The following RBMS3 variants were observed in gnomAD, a reference collection of about 807,000 sequenced individuals.
The protein encoded by RBMS3 is RNA binding motif single stranded interacting protein 3.
Under a neutral mutation model 66.8 loss-of-function variants are expected in RBMS3, and 27 were observed. That is an observed-to-expected ratio of 0.40 (90% CI 0.30 to 0.56). The LOEUF (loss-of-function observed/expected upper bound fraction) is 0.56, where lower values mean the gene tolerates loss of function less well. Ranked by LOEUF, RBMS3 falls within the 20% of genes least tolerant of loss-of-function variation. RBMS3 has a pLI of 0.40. For synonymous variants in RBMS3, 188 were observed against 183.0 expected, an observed-to-expected ratio of 1.03 and a Z score of -0.22; for missense variants, 513 against 549.5, an observed-to-expected ratio of 0.93 and a Z score of 0.66.
intron 4 of RBMS3, among the ~76,000 whole-genome samples, chr3:29,715,405 CTT>C (rs769779336): frequency 6.6e-6 from 1 of 152,134 alleles, no homozygotes; most frequent in Non-Finnish European, 1.5e-5. Flanking sequence ...ATCCTATGCT[CTT>C]TTCTCTGTAT....
rs1699790718 is a variant in RBMS3, at chr3:30,005,834, T to C, written c.*1972T>C. 6.6e-6 allele frequency: 1 copy of C among 151,856 alleles called. No homozygotes were observed. Among genetic ancestry groups the C allele is most frequent in the East Asian group, 1.9e-4 (1 of 5,198 alleles). 9.4% of individuals were successfully genotyped at this position (151,856 alleles called of 1,614,324 possible). A position where few individuals can be genotyped will look rare whatever the true frequency, so the allele number is the denominator to read the frequency against. ...AAGTCCTTAAAATGCTAGTTGACAA[T>C]CAAGGAACAGTATGATTTATATCAA... On this transcript the variant is annotated 3_prime_UTR_variant, in exon 15 of 15. Coordinates refer to ENST00000383767, the MANE Select transcript of RBMS3 (RefSeq NM_001003793.3).
At chr3:29,638,735 C>A (rs1255746502) in intron 4 of RBMS3, among the ~76,000 whole-genome samples, 1 of 151,826 alleles carries the variant, frequency 6.6e-6, no homozygotes, top group East Asian at 1.9e-4. Context: ...GCCAACACAT[C>A]CCGTAATTTC....
intron 6 of RBMS3, among the ~76,000 whole-genome samples, chr3:29,769,708 T>C (rs1195289872): frequency 6.6e-6 from 1 of 151,670 alleles, no homozygotes; most frequent in Non-Finnish European, 1.5e-5. Flanking sequence ...GCTCTGTACA[T>C]TCTCACTAAA....
intron 3 of RBMS3, among the ~76,000 whole-genome samples, chr3:29,506,462 A>C (rs62236915): frequency 0.072 from 10,949 of 151,714 alleles, 778 homozygotes; most frequent in East Asian, 0.37. Context: ...TTTTAATGTG[A>C]TGTTAAATTT....
chr3:29,490,749 A>G (rs1426809649), intron 3 of RBMS3, among the ~76,000 whole-genome samples: 1 of 152,166 alleles, frequency 6.6e-6, no homozygotes, highest in African/African-American at 2.4e-5. Flanking sequence ...TTTGAGAAGA[A>G]AGCTGGGCCA....
chr3:29,862,641 G>A (rs1349472753), intron 6 of RBMS3, among the ~76,000 whole-genome samples: 5 of 151,868 alleles, frequency 3.3e-5, no homozygotes, highest in Non-Finnish European at 5.9e-5. Flanking sequence ...GGGGCAGTTC[G>A]GAAAAGAAAT....
intron 12 of RBMS3, among the ~76,000 whole-genome samples, chr3:29,952,071 T>A (rs1695716348): frequency 6.6e-6 from 1 of 151,834 alleles, no homozygotes; most frequent in South Asian, 2.1e-4. Context: ...GAGACATTTA[T>A]GTACCAGAAA....
intron 2 of RBMS3, among the ~76,000 whole-genome samples, chr3:29,474,058 C>G (rs1329096351): frequency 6.6e-6 from 1 of 152,268 alleles, no homozygotes; most frequent in Non-Finnish European, 1.5e-5. Flanking sequence ...AGCACGCTGT[C>G]ACCTCTCACT....
intron 1 of RBMS3, among the ~76,000 whole-genome samples, chr3:29,366,353 A>C (rs1384054941): frequency 2.6e-5 from 4 of 152,186 alleles, no homozygotes; most frequent in Admixed American, 2.6e-4. Flanking sequence ...ATCCTAAGGA[A>C]CAATGCCTCC....
At chr3:29,953,424 G>A (rs189968006) in intron 12 of RBMS3, among the ~76,000 whole-genome samples, 90 of 152,028 alleles carry the variant, frequency 5.9e-4, no homozygotes, top group African/African-American at 2.1e-3. Context: ...TTGTTTAGTT[G>A]GGAATGCTAT....
chr3:29,442,028 A>G (rs1575824418), intron 2 of RBMS3, among the ~76,000 whole-genome samples: 1 of 152,312 alleles, frequency 6.6e-6, no homozygotes, highest in South Asian at 2.1e-4. Flanking sequence ...GCCCTGGAAT[A>G]TGCCTCTAGA....
intron 2 of RBMS3, among the ~76,000 whole-genome samples, chr3:29,471,066 T>A (rs1393452238): frequency 6.6e-6 from 1 of 152,166 alleles, no homozygotes; most frequent in Non-Finnish European, 1.5e-5. Flanking sequence ...GTATGGAAAG[T>A]GTTAACGCCA....
chr3:29,960,945 C>T (rs1577254931), intron 12 of RBMS3, among the ~76,000 whole-genome samples: 2 of 152,084 alleles, frequency 1.3e-5, no homozygotes, highest in African/African-American at 2.4e-5. Flanking sequence ...TCTGACATGC[C>T]CTGGAGACAT....
intron 6 of RBMS3, among the ~76,000 whole-genome samples, chr3:29,842,001 G>A (rs1388608660): frequency 6.6e-6 from 1 of 151,766 alleles, no homozygotes; most frequent in Non-Finnish European, 1.5e-5. Flanking sequence ...TTTTGCTAAT[G>A]ACTGCAAAAA....
intron 1 of RBMS3, among the ~76,000 whole-genome samples, chr3:29,382,220 A>T (rs1297492424): frequency 6.6e-6 from 1 of 151,968 alleles, no homozygotes; most frequent in East Asian, 1.9e-4. Context: ...TCTTAGTCAA[A>T]AACAATGAAA....
At chr3:29,790,468 A>T (rs767627861) in intron 6 of RBMS3, among the ~76,000 whole-genome samples, 1 of 152,154 alleles carries the variant, frequency 6.6e-6, no homozygotes, top group African/African-American at 2.4e-5. Context: ...TGATTCATTC[A>T]TGGGTAATCA....
At chr3:29,761,525 C>T (rs565070780) in intron 5 of RBMS3, among the ~76,000 whole-genome samples, 1 of 152,248 alleles carries the variant, frequency 6.6e-6, no homozygotes, top group South Asian at 2.1e-4. Context: ...ATTACTTCGC[C>T]AAAAGCCTCT....
intron 12 of RBMS3, among the ~76,000 whole-genome samples, chr3:29,979,335 A>G (rs1008167303): frequency 4.6e-5 from 7 of 152,186 alleles, no homozygotes; most frequent in Admixed American, 2.0e-4. Context: ...CATGTTGACA[A>G]CTTTATTGAA....
Position 29,646,408 on chromosome 3 carries a change from C to T in RBMS3, c.399+59203C>T, listed in dbSNP as rs944762068. On this transcript the variant is annotated intron_variant, in intron 4 of 14. Coordinates refer to ENST00000383767, the MANE Select transcript of RBMS3 (RefSeq NM_001003793.3). Reference sequence around the variant, plus strand: ...GTGGCTGAGACTCTCAGAAGGTGCACACTTGTAATTGCATCTCATCATGAG... The same window carrying T: ...GTGGCTGAGACTCTCAGAAGGTGCATACTTGTAATTGCATCTCATCATGAG... Among the ~76,000 whole-genome samples, 8 of 152,288 alleles carry T rather than the reference C, an allele frequency of 5.3e-5. No homozygotes were observed. The South Asian group carries it at 1.0e-3, about 20-fold the overall frequency.
Sources: gnomAD v4.1 joint callset for allele counts (sites outside exome capture counted in the v4.1 genomes callset) on GRCh38, gnomAD v4.1.1 for gene constraint, MANE v1.5 for transcripts, NCBI Gene and HGNC (gene_info 2026-07-23, HGNC 2026-07-21) for gene names.